AHRR: variants seen among roughly 807,000 people sequenced by gnomAD.
AHRR encodes the protein ahR repressor.
AHRR carries 28 observed loss-of-function variants against 44.0 expected under a neutral mutation model. That is an observed-to-expected ratio of 0.64 (90% CI 0.47 to 0.87). The LOEUF is 0.87. Among genes scored for constraint, AHRR ranks in the 40% least tolerant of loss-of-function variants. The pLI, the probability that AHRR is intolerant of heterozygous loss-of-function variation, is 0.00. For missense variants in AHRR, 990 were observed against 953.9 expected (o/e 1.04, Z -0.50); for synonymous variants, 434 against 407.0 (o/e 1.07, Z -0.80).
intron 2 of AHRR, among the ~76,000 whole-genome samples, chr5:348,962 A>C (rs541514172): frequency 1.3e-5 from 2 of 152,292 alleles, no homozygotes; most frequent in East Asian, 3.9e-4. Context: ...GTTTCTCTGC[A>C]TCCCCGCCGG....
intron 4 of AHRR, among the ~76,000 whole-genome samples, chr5:399,835 G>A (rs563935786): frequency 3.8e-4 from 58 of 152,334 alleles, no homozygotes; most frequent in Admixed American, 7.2e-4. Flanking sequence ...GTGGCCATCC[G>A]GCCAGCTGCA....
chr5:327,990 C>T (rs6866609), intron 1 of AHRR, among the ~76,000 whole-genome samples: 14,930 of 151,994 alleles, frequency 0.098, 2,378 homozygotes, highest in African/African-American at 0.33. Context: ...TGTGTCCATG[C>T]GTTCTCATTG....
intron 3 of AHRR, among the ~76,000 whole-genome samples, chr5:374,252 G>T (rs931547583): frequency 1.3e-5 from 2 of 152,090 alleles, no homozygotes; most frequent in African/African-American, 4.8e-5. Context: ...GTCTGTGTGG[G>T]GCCGCTCCTG....
intron 5 of AHRR, among the ~76,000 whole-genome samples, chr5:421,658 C>T (rs1412796166): frequency 6.6e-6 from 1 of 152,212 alleles, no homozygotes; most frequent in Non-Finnish European, 1.5e-5. Flanking sequence ...TTCCTCTGTT[C>T]ACCGCTTTCT....
At chr5:373,779 C>T (rs1254756043) in intron 3 of AHRR, among the ~76,000 whole-genome samples, 1 of 151,372 alleles carries the variant, frequency 6.6e-6, no homozygotes, top group Non-Finnish European at 1.5e-5. Flanking sequence ...GCGCGGACCC[C>T]GAGCCCCATT....
chr5:389,986 T>C (rs1461177274), intron 4 of AHRR, among the ~76,000 whole-genome samples: 18 of 127,302 alleles, frequency 1.4e-4, no homozygotes. Context: ...GAAAGGACAG[T>C]GATGCGCAGA....
chr5:383,931 T>C lies in AHRR; in HGVS notation c.351+7215T>C, dbSNP rs1384857247. 2.0e-5 allele frequency among the ~76,000 whole-genome samples: 3 copies of C among 152,220 alleles called. No individual in the cohort carries two copies. The highest frequency in any genetic ancestry group is 7.2e-5 in the African/African-American group (3 of 41,446). On this transcript the variant is annotated intron_variant, in intron 4 of 10. Coordinates refer to ENST00000684583, the MANE Select transcript of AHRR (RefSeq NM_001377236.1). The surrounding 1 kb of genome is among the most constrained non-coding windows in gnomAD (Gnocchi z 4.0). The stretch of plus-strand genomic sequence containing the variant: ...TCCATCTTTTTACTTTTAATCAATT[T>C]ATGTCATTATATTAAAAGTGTGTGT...
chr5:430,512 A>G (rs1736675745), intron 8 of AHRR, among the ~76,000 whole-genome samples: 1 of 152,174 alleles, frequency 6.6e-6, no homozygotes, highest in Non-Finnish European at 1.5e-5. Context: ...CTCAGTGTCC[A>G]GGGTTGACTG....
Position 422,587 on chromosome 5 carries a change from C to T in AHRR, c.442-142C>T, listed in dbSNP as rs566525929. On this transcript the variant is annotated intron_variant, in intron 5 of 10. Transcript: ENST00000684583. ...GGAGTGGGGAACCGGGGCCAAGCGC[C>T]GTCTCTTCGGTGGGATTCTCTCCCT... 22 of 1,158,682 alleles carry T rather than the reference C, an allele frequency of 1.9e-5. No homozygotes were observed. In the South Asian group the frequency reaches 2.3e-4, roughly 12 times the overall value. The allele number at this position is 1,158,682 out of a possible 1,614,324, so 71.8% of individuals were successfully genotyped here. A position where few individuals can be genotyped will look rare whatever the true frequency, so the allele number is the denominator to read the frequency against.
intron 3 of AHRR, among the ~76,000 whole-genome samples, chr5:361,186 G>A (rs573278445): frequency 3.9e-4 from 60 of 152,328 alleles, no homozygotes; most frequent in African/African-American, 1.3e-3. Context: ...GTTGCAGTGA[G>A]CCGAGATCTT....
rs1235569574 is a variant in AHRR, at chr5:397,791, T to G, written c.352-15553T>G. On this transcript the variant is annotated intron_variant, in intron 4 of 10. Coordinates refer to ENST00000684583, the MANE Select transcript of AHRR (RefSeq NM_001377236.1). ...TGACCGTCCACGTAGCCCCTGACCA[T>G]CCACGTAGCCCCTGACCGTCCACGT... is the stretch of plus-strand genomic sequence containing the variant. Among the ~76,000 whole-genome samples, 25 of 105,020 alleles carry G rather than the reference T, an allele frequency of 2.4e-4. 1 individual carries two copies. Among genetic ancestry groups the G allele is most frequent in the Non-Finnish European group, 3.4e-4 (18 of 52,328 alleles). The allele number at this position is 105,020 out of a possible 152,430, so 68.9% of individuals were successfully genotyped here. A position where few individuals can be genotyped will look rare whatever the true frequency, so the allele number is the denominator to read the frequency against.
At chr5:341,516 T>C (rs1308499903) in intron 1 of AHRR, among the ~76,000 whole-genome samples, 1 of 141,822 alleles carries the variant, frequency 7.1e-6, no homozygotes, top group Admixed American at 7.3e-5. Context: ...TCCTTTCCTT[T>C]CCTTTCCTTT....
intron 4 of AHRR, among the ~76,000 whole-genome samples, chr5:399,098 G>C (rs1381438712): frequency 6.6e-6 from 1 of 152,260 alleles, no homozygotes; most frequent in Non-Finnish European, 1.5e-5. Flanking sequence ...GAAGCAGCTG[G>C]GTCAGCGCGG....
intron 2 of AHRR, among the ~76,000 whole-genome samples, chr5:350,203 G>A (rs1742811998): frequency 6.6e-6 from 1 of 152,152 alleles, no homozygotes; most frequent in Admixed American, 6.5e-5. Context: ...TCAGTTTTGG[G>A]GAGAATTGCC....
chr5:369,681 C>T (rs1222874630), intron 3 of AHRR, among the ~76,000 whole-genome samples: 1 of 152,244 alleles, frequency 6.6e-6, no homozygotes, highest in Non-Finnish European at 1.5e-5. Flanking sequence ...TAAACCTTTC[C>T]TGTGCAGAAG....
intron 5 of AHRR, among the ~76,000 whole-genome samples, chr5:417,411 T>C (rs567996362): frequency 6.6e-6 from 1 of 151,838 alleles, no homozygotes; most frequent in East Asian, 1.9e-4. Flanking sequence ...TGGCTTGGTC[T>C]GTATGTGCAG....
intron 1 of AHRR, among the ~76,000 whole-genome samples, chr5:332,933 T>C (rs1237079606): frequency 1.2e-4 from 5 of 40,982 alleles, no homozygotes; most frequent in African/African-American, 2.5e-4. Context: ...CTTTGTCTTT[T>C]TTTTTTTTTT....
chr5:337,718 G>C lies in AHRR; in HGVS notation c.-10-6175G>C, dbSNP rs573675793. On this transcript the variant is annotated intron_variant, in intron 1 of 10. Coordinates refer to ENST00000684583, the MANE Select transcript of AHRR (RefSeq NM_001377236.1). The surrounding 1 kb of genome is among the most constrained non-coding windows in gnomAD (Gnocchi z 4.1). ...TGGATGGTGCTCCGGGGCTGCGGGA[G>C]GCCCCTAAGGAGTGCGCTTGGAAGG... Among the ~76,000 whole-genome samples the C allele has an allele frequency of 4.6e-5, 7 of 152,286 alleles. No homozygotes were observed. In the South Asian group the frequency reaches 1.5e-3, roughly 32 times the overall value.
At chr5:384,690 G>T (rs533042767) in intron 4 of AHRR, among the ~76,000 whole-genome samples, 53 of 152,166 alleles carry the variant, frequency 3.5e-4, no homozygotes, top group Non-Finnish European at 6.5e-4. Context: ...GCAAAGTGCT[G>T]GGATTACAGC....
Sources: allele counts gnomAD v4.1 joint callset (sites outside exome capture counted in the v4.1 genomes callset), GRCh38; gene constraint gnomAD v4.1.1; non-coding constraint Gnocchi (gnomAD v3.1); transcripts MANE v1.5; gene names NCBI Gene and HGNC (gene_info 2026-07-23, HGNC 2026-07-21).